The following PKNOX1 variants were observed in gnomAD, a reference collection of about 807,000 sequenced individuals.
PKNOX1 encodes PBX/knotted 1 homeobox 1.
In PKNOX1, 15 loss-of-function variants were observed where a neutral mutation model predicts 51.9. That is an observed-to-expected ratio of 0.29 (90% CI 0.19 to 0.45). The LOEUF is 0.45. Among genes scored for constraint, PKNOX1 ranks in the 20% least tolerant of loss-of-function variants. The pLI is 1.00. For synonymous variants in PKNOX1, 219 were observed against 211.1 expected (o/e 1.04, Z -0.32); for missense variants, 462 against 547.5 (o/e 0.84, Z 1.56).
At chr21:43,028,213 A>G (rs147442955) in intron 9 of PKNOX1, among the ~76,000 whole-genome samples, 284 of 152,328 alleles carry the variant, frequency 1.9e-3, no homozygotes, top group African/African-American at 6.5e-3. Flanking sequence ...TGGCAGTCCC[A>G]TTCTCTGATG....
chr21:43,028,492 A>C, intron 9 of PKNOX1: 6 of 585,090 alleles, frequency 1.0e-5, no homozygotes, highest in Non-Finnish European at 1.5e-5. Flanking sequence ...TATTTGCATG[A>C]TTTTTAAAAC....
At chr21:42,993,650 GTTTTTTT>G (rs756844153) in intron 1 of PKNOX1, among the ~76,000 whole-genome samples, 6 of 20,000 alleles carry the variant, frequency 3.0e-4, no homozygotes, top group African/African-American at 1.4e-3. Context: ...TACCCACTTT[GTTTTTTT>G]TGTTTTTTTT....
rs138899005 is a variant in PKNOX1 at position 43,018,138 on chromosome 21, A to C, written c.628A>C (p.Thr210Pro). The C allele has an allele frequency of 5.0e-4, 801 of 1,595,998 alleles. No homozygotes were observed. Among genetic ancestry groups the C allele is most frequent in the Non-Finnish European group, 6.5e-4 (761 of 1,165,352 alleles). ...TTTTTATTCTCCCTTTCGAGGTGGC[A>C]CAGTGTATCAGCCTGTCACGGTCGT... is the stretch of plus-strand genomic sequence containing the variant. ...NVAMATVAGG[T>P]VYQPVTVVTP... is the part of the protein sequence containing the mutation. Residue 210 changes from threonine (T) to proline (P), a missense_variant, in exon 7 of 11, where the codon ACA becomes CCA. Physicochemically the swap from Thr to Pro is conservative, Grantham distance 38. Around this residue, in one of 5 missense-constraint regions of PKNOX1, gnomAD observed 126 missense variants for 128.1 expected, o/e 0.98. Transcript: ENST00000291547.
At chr21:43,020,645 G>A (rs1473963068) in intron 7 of PKNOX1, 3 of 152,842 alleles carry the variant, frequency 2.0e-5, no homozygotes, top group East Asian at 1.9e-4. Context: ...TGCTGTTTCT[G>A]TTTCTTTCCC....
chr21:42,974,730 C>G (rs1291199930), intron 1 of PKNOX1, 66 bp downstream of exon 1: 1 of 164,202 alleles, frequency 6.1e-6, no homozygotes. Context: ...CCCTATCAAT[C>G]ACACCGGCCC....
In PKNOX1 at chr21:43,018,047, C is replaced by CAAAAAAA. The variant is rs60175567; in HGVS notation, c.623-69_623-63dup. On this transcript the variant is annotated intron_variant, in intron 6 of 10. Transcript: ENST00000291547. The stretch of plus-strand genomic sequence containing the variant: ...CAACAAAGCAATGTCCCTGTCTCTA[C>CAAAAAAA]AAAAAAAAAAAAAAAAAAAAAAAGA... The CAAAAAAA allele has an allele frequency of 7.1e-3, 1,953 of 275,908 alleles. 6 individuals are homozygous for CAAAAAAA. Among genetic ancestry groups the CAAAAAAA allele is most frequent in the African/African-American group, 8.7e-3 (163 of 18,672 alleles). The allele number at this position is 275,908 out of a possible 1,614,324, so 17.1% of individuals were successfully genotyped here. A position where few individuals can be genotyped will look rare whatever the true frequency, so the allele number is the denominator to read the frequency against.
At position 42,981,899 on chromosome 21, in the gene PKNOX1, T is replaced by C. The variant is rs1200430618; in HGVS notation, c.-57+7235T>C. ...CTATGGGATTCTTGGGACCACTGTA[T>C]TGTTGCTGGGCCTCTGGGCAGATGG... On this transcript the variant is annotated intron_variant, in intron 1 of 10. Transcript: ENST00000291547. Among the ~76,000 whole-genome samples, 3 of 152,190 alleles carry C rather than the reference T, an allele frequency of 2.0e-5. No homozygotes were observed. The East Asian group carries it at 5.8e-4, about 29-fold the overall frequency.
chr21:43,021,595 G>A lies in PKNOX1; in HGVS notation c.849+164G>A, dbSNP rs1196855358. ...AATGTGGGGAGCGTGGGGCACTGCT[G>A]CAGGGAACTTGAAGGGCAATGAGGG... On this transcript the variant is annotated intron_variant, in intron 8 of 10. Transcript: ENST00000291547. This position sits in a 1 kb window ranked among gnomAD's most constrained non-coding sequence, Gnocchi z 4.6. Among the ~76,000 whole-genome samples the A allele has an allele frequency of 6.6e-6, 1 of 152,232 alleles. No homozygotes were observed. The highest frequency in any genetic ancestry group is 2.4e-5 in the African/African-American group (1 of 41,464).
At chr21:43,005,258 C>T (rs1333929590) in intron 2 of PKNOX1, among the ~76,000 whole-genome samples, 5 of 152,088 alleles carry the variant, frequency 3.3e-5, no homozygotes, top group South Asian at 4.1e-4. Context: ...TCGAGGACTT[C>T]GGTGGCAAGG....
chr21:42,993,440 T>C (rs2059099533), intron 1 of PKNOX1, among the ~76,000 whole-genome samples: 1 of 152,106 alleles, frequency 6.6e-6, no homozygotes, highest in Non-Finnish European at 1.5e-5. Context: ...CCCACTCCTG[T>C]TGACTGTTCC....
Position 43,013,236 on chromosome 21 carries a change from C to G in PKNOX1, c.520C>G (p.Gln174Glu). 1.3e-6 allele frequency: 2 copies of G among 1,577,228 alleles called. No individual in the cohort carries two copies. Among genetic ancestry groups the G allele is most frequent in the Non-Finnish European group, 1.7e-6 (2 of 1,159,472 alleles). Reference protein sequence around the residue: ...PGSPYSPVQSQQIQSAITGTI... With the variant: ...PGSPYSPVQSEQIQSAITGTI... ...AAGCCCGTACTCACCAGTGCAGTCCCAGGTACTTACATTTGGGGGTCTCGC... is the reference window on the plus strand; with the variant it reads ...AAGCCCGTACTCACCAGTGCAGTCCGAGGTACTTACATTTGGGGGTCTCGC... Residue 174 changes from glutamine to glutamate, a missense_variant and splice_region_variant, in exon 5 of 11, where the codon CAG becomes GAG. By Grantham distance (29) the Gln-to-Glu change is conservative. Around this residue, in one of 5 missense-constraint regions of PKNOX1, gnomAD observed 126 missense variants for 128.1 expected, o/e 0.98. Transcript: ENST00000291547.
At position 43,016,916 on chromosome 21, in the gene PKNOX1, A is replaced by C. The variant is rs767918622; in HGVS notation, c.531A>C (p.Gln177His). 6.2e-7 allele frequency: 1 copy of C among 1,601,914 alleles called. No individual in the cohort carries two copies. Among genetic ancestry groups the C allele is most frequent in the Admixed American group, 1.7e-5 (1 of 59,498 alleles). The change falls in exon 6 of 11, where the codon CAA becomes CAC. Residue 177 changes from glutamine (Q) to histidine (H), a missense_variant. Around this residue, in one of 5 missense-constraint regions of PKNOX1, gnomAD observed 126 missense variants for 128.1 expected, o/e 0.98. Transcript: ENST00000291547. ...TGTGTTCTGACTTGCAGCAGATTCA[A>C]AGTGCCATCACAGGCACCATCAGCC... ...PYSPVQSQQI[Q>H]SAITGTISPQ...
chr21:42,979,976 T>C (rs532398680), intron 1 of PKNOX1, among the ~76,000 whole-genome samples: 1 of 152,200 alleles, frequency 6.6e-6, no homozygotes, highest in South Asian at 2.1e-4. Context: ...ATGATCTAAG[T>C]GCCAGCAGGT....
chr21:43,021,102 C>T lies in PKNOX1; in HGVS notation c.721-201C>T. 2.5e-6 allele frequency: 1 copy of T among 398,832 alleles called. No homozygotes were observed. The highest frequency in any genetic ancestry group is 2.8e-5 in the South Asian group (1 of 35,480). 24.7% of individuals were successfully genotyped at this position (398,832 alleles called of 1,614,324 possible). On this transcript the variant is annotated intron_variant, in intron 7 of 10. Coordinates refer to ENST00000291547, the MANE Select transcript of PKNOX1 (RefSeq NM_004571.5). This position sits in a 1 kb window ranked among gnomAD's most constrained non-coding sequence, Gnocchi z 4.6. Reference sequence around the variant, plus strand: ...CCAGCCTGAGTGACAGAGCAAGATCCTGTCTCAAAAAAAAGAAAGGCTGGT... The same window carrying T: ...CCAGCCTGAGTGACAGAGCAAGATCTTGTCTCAAAAAAAAGAAAGGCTGGT...
rs756714811 is a variant in PKNOX1 at position 43,029,847 on chromosome 21, T to C, written c.1100-43T>C. Reference sequence around the variant, plus strand: ...AATTGAGTAATAAAGTGTTTTTCTGTGAGTACTAATTTAAATAATGACACA... The same window carrying C: ...AATTGAGTAATAAAGTGTTTTTCTGCGAGTACTAATTTAAATAATGACACA... On this transcript the variant is annotated intron_variant, in intron 10 of 10. Coordinates refer to ENST00000291547, the MANE Select transcript of PKNOX1 (RefSeq NM_004571.5). The C allele has an allele frequency of 1.4e-5, 22 of 1,538,718 alleles. No individual in the cohort carries two copies. In the South Asian group the frequency reaches 1.9e-4, roughly 13 times the overall value.
chr21:42,986,564 A>G (rs955404886), intron 1 of PKNOX1, among the ~76,000 whole-genome samples: 12 of 152,218 alleles, frequency 7.9e-5, no homozygotes, highest in African/African-American at 2.7e-4. Flanking sequence ...TTATTGACTG[A>G]ACATCTCTTT....
intron 1 of PKNOX1, among the ~76,000 whole-genome samples, chr21:42,992,911 G>A (rs2146243032): frequency 6.8e-6 from 1 of 147,980 alleles, no homozygotes; most frequent in Admixed American, 6.9e-5. Context: ...CACAGCACTG[G>A]GGGGCTTCCT....
chr21:43,002,664 TGGCTGCTGCCAC>T (rs973424590), intron 1 of PKNOX1, among the ~76,000 whole-genome samples: 4 of 152,212 alleles, frequency 2.6e-5, no homozygotes, highest in South Asian at 2.1e-4. Flanking sequence ...AGAGGCGACC[TGGCTGCTGCCAC>T]GGCTGCTGCT....
intron 10 of PKNOX1, 21 bp from the exon 11 acceptor site, chr21:43,029,869 C>T: frequency 6.3e-7 from 1 of 1,597,722 alleles, no homozygotes. Flanking sequence ...TAAATAATGA[C>T]ACACCTTCAT....
Sources: gnomAD v4.1 joint callset for allele counts (sites outside exome capture counted in the v4.1 genomes callset) on GRCh38, gnomAD v4.1.1 for gene constraint, gnomAD v4.1.1 regional missense constraint, Gnocchi (gnomAD v3.1) non-coding constraint, MANE v1.5 for transcripts, NCBI Gene and HGNC (gene_info 2026-07-23, HGNC 2026-07-21) for gene names.